The following GALNT13 variants were observed in gnomAD, a reference collection of about 807,000 sequenced individuals.
The protein encoded by GALNT13 is UDP-GalNAc:polypeptide N-acetylgalactosaminyltransferase 13.
A neutral mutation model predicts 64.2 loss-of-function variants in GALNT13; 28 were observed. The observed-to-expected ratio is 0.44, with a 90% CI of 0.32 to 0.60. GALNT13 has a LOEUF of 0.60. GALNT13 is among the 20% of genes least tolerant of loss of function. GALNT13 has a pLI of 0.05. For missense variants in GALNT13, 577 were observed against 669.8 expected (o/e 0.86, Z 1.53); for synonymous variants, 214 against 224.6 (o/e 0.95, Z 0.42).
the GALNT13 span, among the ~76,000 whole-genome samples, chr2:153,196,626 G>T: frequency 1.3e-5 from 2 of 151,674 alleles, no homozygotes; most frequent in Non-Finnish European, 2.9e-5. Context: ...CATGCAGGCA[G>T]CCCCGGCCAT....
the GALNT13 span, among the ~76,000 whole-genome samples, chr2:153,155,742 A>T: frequency 6.6e-6 from 1 of 151,904 alleles, no homozygotes. Flanking sequence ...GATTCTGGTT[A>T]TTTCTTGTCT....
intron 2 of GALNT13, among the ~76,000 whole-genome samples, chr2:153,932,569 G>A (rs1485028146): frequency 6.8e-6 from 1 of 146,352 alleles, no homozygotes; most frequent in Non-Finnish European, 1.5e-5. Context: ...TAATTTCCAT[G>A]TAATTGTATG....
chr2:153,291,174 A>G, the GALNT13 span, among the ~76,000 whole-genome samples: 1 of 152,220 alleles, frequency 6.6e-6, no homozygotes, highest in Non-Finnish European at 1.5e-5. Context: ...AGATATTTTG[A>G]TAGAAATAGT....
At chr2:153,150,901 T>C in the GALNT13 span, among the ~76,000 whole-genome samples, 1 of 152,126 alleles carries the variant, frequency 6.6e-6, no homozygotes, top group Non-Finnish European at 1.5e-5. Context: ...TGAAGTCAGG[T>C]AGCATGATGC....
At chr2:154,135,825 T>C (rs987001426) in intron 3 of GALNT13, among the ~76,000 whole-genome samples, 1 of 152,120 alleles carries the variant, frequency 6.6e-6, no homozygotes, top group Non-Finnish European at 1.5e-5. Context: ...GAAAACCCCA[T>C]CTCTTTTAAA....
At chr2:153,345,453 T>G in the GALNT13 span, among the ~76,000 whole-genome samples, 62,490 of 151,664 alleles carry the variant, frequency 0.41, 13,324 homozygotes, top group African/African-American at 0.46. Context: ...AATAATGTGT[T>G]CTCCTGAGGG....
At chr2:154,110,799 C>G (rs1191422306) in intron 3 of GALNT13, among the ~76,000 whole-genome samples, 1 of 152,014 alleles carries the variant, frequency 6.6e-6, no homozygotes, top group Non-Finnish European at 1.5e-5. Context: ...CATCACAAGT[C>G]CACGCCTTCT....
chr2:154,135,228 T>C (rs974308896), intron 3 of GALNT13, among the ~76,000 whole-genome samples: 2 of 152,124 alleles, frequency 1.3e-5, no homozygotes, highest in Non-Finnish European at 2.9e-5. Flanking sequence ...TAAATGAGCA[T>C]GCATTATTTT....
chr2:154,191,382 T>C (rs994898343), intron 4 of GALNT13, among the ~76,000 whole-genome samples: 2 of 152,064 alleles, frequency 1.3e-5, no homozygotes, highest in African/African-American at 4.8e-5. Flanking sequence ...CAATTTCAGA[T>C]GAAAGAAAAG....
At chr2:153,565,079 A>AAAGCTGAAG in the GALNT13 span, among the ~76,000 whole-genome samples, 62 of 152,146 alleles carry the variant, frequency 4.1e-4, no homozygotes, top group Non-Finnish European at 3.8e-4. Context: ...AGGACATGGG[A>AAAGCTGAAG]AAGCTGAAGT....
At chr2:154,137,607 A>G (rs926278650) in intron 3 of GALNT13, among the ~76,000 whole-genome samples, 1 of 152,132 alleles carries the variant, frequency 6.6e-6, no homozygotes, top group Non-Finnish European at 1.5e-5. Flanking sequence ...GTGAAAATAA[A>G]ACTGTCATGC....
chr2:154,326,829 A>T (rs1694900671), intron 9 of GALNT13, among the ~76,000 whole-genome samples: 1 of 152,184 alleles, frequency 6.6e-6, no homozygotes, highest in Admixed American at 6.6e-5. Flanking sequence ...GCATTGTCTA[A>T]CACATAAAAA....
the GALNT13 span, among the ~76,000 whole-genome samples, chr2:153,381,097 C>A: frequency 2.6e-5 from 4 of 151,866 alleles, no homozygotes; most frequent in African/African-American, 7.3e-5. Flanking sequence ...TCAGGTGCAC[C>A]ACCAGGCCCA....
chr2:153,510,402 C>G, the GALNT13 span, among the ~76,000 whole-genome samples: 1 of 152,080 alleles, frequency 6.6e-6, no homozygotes, highest in South Asian at 2.1e-4. Context: ...CTAGGATAAG[C>G]CAGGAACCAT....
chr2:153,652,487 T>C, the GALNT13 span, among the ~76,000 whole-genome samples: 149 of 152,124 alleles, frequency 9.8e-4, no homozygotes, highest in African/African-American at 3.4e-3. Context: ...TGGTGTCATC[T>C]GCCTGTAAGC....
At chr2:154,276,362 G>A (rs1331055212) in intron 8 of GALNT13, among the ~76,000 whole-genome samples, 1 of 151,946 alleles carries the variant, frequency 6.6e-6, no homozygotes, top group Non-Finnish European at 1.5e-5. Context: ...TGGGACTACA[G>A]GTGTGGGCCA....
At chr2:153,324,199 A>G in the GALNT13 span, among the ~76,000 whole-genome samples, 1 of 152,124 alleles carries the variant, frequency 6.6e-6, no homozygotes, top group Admixed American at 6.6e-5. Flanking sequence ...TCCTTGAAGA[A>G]GTCCTTCACA....
At chr2:153,362,894 T>A in the GALNT13 span, among the ~76,000 whole-genome samples, 1 of 152,144 alleles carries the variant, frequency 6.6e-6, no homozygotes, top group Non-Finnish European at 1.5e-5. Context: ...CTAAGAGACA[T>A]CTACAGAACT....
At chr2:154,086,660 A>G (rs1003573943) in intron 3 of GALNT13, among the ~76,000 whole-genome samples, 2 of 152,016 alleles carry the variant, frequency 1.3e-5, no homozygotes, top group Admixed American at 1.3e-4. Flanking sequence ...ACTTTAAATC[A>G]TAGGTCAGCT....
Sources: gnomAD v4.1 joint callset for allele counts (sites outside exome capture counted in the v4.1 genomes callset) on GRCh38, gnomAD v4.1.1 for gene constraint, MANE v1.5 for transcripts, NCBI Gene and HGNC (gene_info 2026-07-23, HGNC 2026-07-21) for gene names.